Variants in DENND5B observed in about 807,000 individuals in gnomAD.
DENND5B encodes DENN domain containing 5B, also known as DENN domain-containing protein 5B.
A neutral mutation model predicts 140.6 loss-of-function variants in DENND5B; 34 were observed. The ratio of observed to expected loss-of-function variants is 0.24; its 90% confidence interval spans 0.18 to 0.32. The LOEUF is 0.32. Among genes scored for constraint, DENND5B ranks in the 10% least tolerant of loss-of-function variants. DENND5B has a pLI of 1.00. For missense variants in DENND5B, 1,142 were observed against 1,560.2 expected, an observed-to-expected ratio of 0.73 and a Z score of 4.52; for synonymous variants, 551 against 562.1, an observed-to-expected ratio of 0.98 and a Z score of 0.28.
intron 11 of DENND5B, among the ~76,000 whole-genome samples, chr12:31,420,466 C>T (rs1443711405): frequency 6.9e-6 from 1 of 144,906 alleles, no homozygotes; most frequent in Non-Finnish European, 1.5e-5. Context: ...TTTTTTGAGA[C>T]AGCATCTTGC....
chr12:31,394,615 C>A (rs866037117), intron 17 of DENND5B, among the ~76,000 whole-genome samples: 1 of 137,606 alleles, frequency 7.3e-6, no homozygotes, highest in Non-Finnish European at 1.6e-5. Context: ...ACCCTGTGCT[C>A]TTTTTTTTTT....
intron 1 of DENND5B, among the ~76,000 whole-genome samples, chr12:31,510,600 T>C (rs1465999151): frequency 6.6e-6 from 1 of 152,180 alleles, no homozygotes; most frequent in African/African-American, 2.4e-5. Context: ...ACCTAAGATC[T>C]CTCTTTGGTC....
intron 16 of DENND5B, among the ~76,000 whole-genome samples, chr12:31,399,147 AG>A (rs1565541134): frequency 0.089 from 1,445 of 16,202 alleles, 247 homozygotes; most frequent in African/African-American, 0.16. Flanking sequence ...AAAAAAAAAG[AG>A]AGAGAAAGAA....
chr12:31,420,614 T>A (rs1942976178), intron 11 of DENND5B, among the ~76,000 whole-genome samples: 1 of 152,098 alleles, frequency 6.6e-6, no homozygotes, highest in South Asian at 2.1e-4. Flanking sequence ...TGGCTGACTT[T>A]TATATTTTTA....
At chr12:31,549,244 G>T (rs1221323862) in intron 1 of DENND5B, among the ~76,000 whole-genome samples, 1 of 152,086 alleles carries the variant, frequency 6.6e-6, no homozygotes, top group Non-Finnish European at 1.5e-5. Flanking sequence ...GTTTAGAAAT[G>T]AGAGATAAAA....
At chr12:31,402,752 GAGCT>G (rs1401497185) in intron 14 of DENND5B, 109 bp from the exon 15 acceptor site, 1 of 1,325,238 alleles carries the variant, frequency 7.5e-7, no homozygotes, top group Non-Finnish European at 1.0e-6. Context: ...TGCTTTTTAT[GAGCT>G]ATCAAGATGT....
At chr12:31,414,666 C>T (rs931261982) in intron 12 of DENND5B, among the ~76,000 whole-genome samples, 5 of 152,008 alleles carry the variant, frequency 3.3e-5, no homozygotes, top group African/African-American at 2.4e-5. Flanking sequence ...GGCACAGTGG[C>T]TCGCGCCTGT....
chr12:31,469,954 TTTTA>T (rs1428856050), intron 3 of DENND5B, among the ~76,000 whole-genome samples: 1 of 152,018 alleles, frequency 6.6e-6, no homozygotes, highest in Non-Finnish European at 1.5e-5. Flanking sequence ...AATAAACCTC[TTTTA>T]TTTTTCTTTG....
intron 1 of DENND5B, among the ~76,000 whole-genome samples, chr12:31,577,448 C>T (rs1171958699): frequency 4.6e-5 from 7 of 152,098 alleles, no homozygotes; most frequent in African/African-American, 9.7e-5. Context: ...CGGTGGCTCA[C>T]GCCTGTAATC....
At chr12:31,440,877 AGGC>A (rs1943998831) in intron 7 of DENND5B, among the ~76,000 whole-genome samples, 1 of 152,142 alleles carries the variant, frequency 6.6e-6, no homozygotes, top group South Asian at 2.1e-4. Context: ...CTGGCATGAC[AGGC>A]ATGCACCACC....
chr12:31,437,594 T>A (rs1943837059), intron 7 of DENND5B, among the ~76,000 whole-genome samples: 1 of 152,232 alleles, frequency 6.6e-6, no homozygotes, highest in Non-Finnish European at 1.5e-5. Context: ...GAAATTAGGA[T>A]GCATCTTTCA....
chr12:31,492,420 G>A (rs569738631), intron 2 of DENND5B, among the ~76,000 whole-genome samples: 1 of 152,216 alleles, frequency 6.6e-6, no homozygotes, highest in East Asian at 1.9e-4. Flanking sequence ...GAACGTACTT[G>A]TACCCAGGCC....
chr12:31,533,104 T>C (rs1282271398), intron 1 of DENND5B, among the ~76,000 whole-genome samples: 1 of 152,234 alleles, frequency 6.6e-6, no homozygotes, highest in Non-Finnish European at 1.5e-5. Flanking sequence ...AGAAACTACA[T>C]GTAAATAAGC....
intron 1 of DENND5B, among the ~76,000 whole-genome samples, chr12:31,548,148 T>C (rs1948923096): frequency 6.6e-6 from 1 of 152,010 alleles, no homozygotes; most frequent in Admixed American, 6.6e-5. Context: ...TCCCAGTGCT[T>C]TGGGAGGCCG....
chr12:31,578,575 T>C (rs1339926761), intron 1 of DENND5B, among the ~76,000 whole-genome samples: 1 of 152,208 alleles, frequency 6.6e-6, no homozygotes, highest in Non-Finnish European at 1.5e-5. Flanking sequence ...AGTAAAAGCA[T>C]ACAGGAATGG....
intron 14 of DENND5B, among the ~76,000 whole-genome samples, chr12:31,406,283 TGCCTAGATATA>T (rs1213080686): frequency 6.6e-6 from 1 of 152,080 alleles, no homozygotes; most frequent in Admixed American, 6.6e-5. Flanking sequence ...CTAAAGAAGG[TGCCTAGATATA>T]GCCTCACAAT....
At chr12:31,414,221 G>A (rs1392297572) in intron 12 of DENND5B, among the ~76,000 whole-genome samples, 1 of 152,112 alleles carries the variant, frequency 6.6e-6, no homozygotes, top group Non-Finnish European at 1.5e-5. Flanking sequence ...TGGATCTTAT[G>A]ACACTGCTTT....
intron 1 of DENND5B, among the ~76,000 whole-genome samples, chr12:31,514,573 T>C (rs980094380): frequency 2.0e-5 from 3 of 152,140 alleles, no homozygotes; most frequent in African/African-American, 4.8e-5. Flanking sequence ...CACAACACTG[T>C]GGGAGGCCAA....
intron 2 of DENND5B, among the ~76,000 whole-genome samples, chr12:31,484,457 T>G (rs1243378790): frequency 6.6e-6 from 1 of 151,764 alleles, no homozygotes; most frequent in Non-Finnish European, 1.5e-5. Context: ...ATTGGAAAGG[T>G]GGAAAAACTC....
Sources: gnomAD v4.1 joint callset for allele counts (sites outside exome capture counted in the v4.1 genomes callset) on GRCh38, gnomAD v4.1.1 for gene constraint, MANE v1.5 for transcripts, NCBI Gene and HGNC (gene_info 2026-07-23, HGNC 2026-07-21) for gene names.